RNF130: variants seen among roughly 807,000 people sequenced by gnomAD.
RNF130 encodes the protein E3 ubiquitin-protein ligase RNF130.
RNF130 carries 21 observed loss-of-function variants against 44.6 expected under a neutral mutation model. That is an observed-to-expected ratio of 0.47 (90% CI 0.33 to 0.68). RNF130 has a LOEUF of 0.68. RNF130 is among the 30% of genes least tolerant of loss of function. RNF130 has a pLI of 0.02. For missense variants in RNF130, 479 were observed against 560.6 expected (o/e 0.85, Z 1.47); for synonymous variants, 214 against 210.4 (o/e 1.02, Z -0.15).
At chr5:179,950,563 C>A (rs1762110508), downstream of RNF130, among the ~76,000 whole-genome samples, 1 of 152,198 alleles carries the variant, frequency 6.6e-6, no homozygotes, top group Non-Finnish European at 1.5e-5. Context: ...TTAATAATGT[C>A]TGTTAAATTT....
At chr5:179,961,822 TTCA>T (rs1762335985) in intron 8 of RNF130, among the ~76,000 whole-genome samples, 1 of 152,162 alleles carries the variant, frequency 6.6e-6, no homozygotes. Flanking sequence ...AGAAATTAAA[TTCA>T]CTTCCCAGAC....
intron 1 of RNF130, among the ~76,000 whole-genome samples, chr5:180,057,491 T>C (rs190874008): frequency 1.5e-3 from 225 of 151,978 alleles, no homozygotes; most frequent in Non-Finnish European, 1.7e-3. Context: ...GAGGCTGCAT[T>C]GAGCCAAGAC....
chr5:179,963,335 T>C, intron 8 of RNF130, 136 bp downstream of exon 8: 1 of 642,884 alleles, frequency 1.6e-6, no homozygotes, highest in South Asian at 1.9e-5. Context: ...AAATAAAGTA[T>C]TTTGCTAGAT....
chr5:180,030,483 C>T (rs1764109247), intron 2 of RNF130, among the ~76,000 whole-genome samples: 1 of 152,252 alleles, frequency 6.6e-6, no homozygotes, highest in South Asian at 2.1e-4. Context: ...TTTCCATCAC[C>T]CCCCAGAAAA....
At chr5:179,988,913 G>C (rs1409391759) in intron 3 of RNF130, among the ~76,000 whole-genome samples, 5 of 152,224 alleles carry the variant, frequency 3.3e-5, no homozygotes, top group Admixed American at 2.6e-4. Flanking sequence ...ATATAGTACA[G>C]TTCAAATCCA....
chr5:180,036,019 C>T lies in RNF130; in HGVS notation c.442+4434G>A, dbSNP rs1764241609. On this transcript the variant is annotated intron_variant, in intron 2 of 8. Coordinates refer to ENST00000521389, the MANE Select transcript of RNF130 (RefSeq NM_018434.6). ...CTCTGCTAAATCCATTATCTGGGAACACTTATAGACAGTTTCTATAGACTT... is the reference window on the plus strand; with the variant it reads ...CTCTGCTAAATCCATTATCTGGGAATACTTATAGACAGTTTCTATAGACTT... Among the ~76,000 whole-genome samples the T allele has an allele frequency of 2.0e-5, 3 of 152,286 alleles. No homozygotes were observed. In the South Asian group the frequency reaches 6.2e-4, roughly 32 times the overall value.
At chr5:180,048,001 C>CTTT (rs67545539) in intron 1 of RNF130, among the ~76,000 whole-genome samples, 10 of 146,968 alleles carry the variant, frequency 6.8e-5, no homozygotes, top group African/African-American at 2.5e-4. Flanking sequence ...CAACAGCACA[C>CTTT]TTTTTTTTTT....
At chr5:180,070,807 A>T (rs964741841) in intron 1 of RNF130, among the ~76,000 whole-genome samples, 2 of 152,216 alleles carry the variant, frequency 1.3e-5, no homozygotes, top group Non-Finnish European at 2.9e-5. Context: ...ATTCTTGAAA[A>T]TTTTACCTAT....
chr5:179,966,354 T>C (rs143706699), intron 7 of RNF130, among the ~76,000 whole-genome samples: 49 of 152,294 alleles, frequency 3.2e-4, no homozygotes, highest in Non-Finnish European at 6.3e-4. Context: ...ACAGGCTATG[T>C]TCCAAGAACT....
At chr5:179,941,186 A>C (rs528706219) in intron 7 of RNF130, among the ~76,000 whole-genome samples, 1 of 152,116 alleles carries the variant, frequency 6.6e-6, no homozygotes, top group African/African-American at 2.4e-5. Context: ...ATTTGGTCTT[A>C]TCTCCTGGCT....
At chr5:179,989,687 G>A (rs1763035175) in intron 3 of RNF130, among the ~76,000 whole-genome samples, 1 of 152,142 alleles carries the variant, frequency 6.6e-6, no homozygotes, top group South Asian at 2.1e-4. Flanking sequence ...CAGTCAGGCT[G>A]TATCTTTTAA....
intron 7 of RNF130, among the ~76,000 whole-genome samples, chr5:179,941,121 T>C (rs1199268060): frequency 6.6e-6 from 1 of 152,226 alleles, no homozygotes; most frequent in African/African-American, 2.4e-5. Context: ...GTATTTCTAA[T>C]AGTTAGATTT....
chr5:179,975,821 AC>A (rs1488029296), intron 5 of RNF130, among the ~76,000 whole-genome samples: 17 of 152,170 alleles, frequency 1.1e-4, no homozygotes, highest in African/African-American at 4.1e-4. Flanking sequence ...CAGACCACAA[AC>A]ACAAACCACT....
exon 8 of RNF130, chr5:179,919,980 G>A (rs868162465): frequency 6.5e-5 from 15 of 230,696 alleles, no homozygotes; most frequent in South Asian, 4.0e-4. Flanking sequence ...CTTCCCTGGT[G>A]CAGAACAGCA....
At chr5:180,008,118 T>C (rs3719) in intron 3 of RNF130, among the ~76,000 whole-genome samples, 132,066 of 151,192 alleles carry the variant, frequency 0.87, 57,852 homozygotes, top group African/African-American at 0.94. Context: ...CCCCATAGAT[T>C]CCTGACAATG....
At chr5:180,060,020 G>C (rs185075578) in intron 1 of RNF130, among the ~76,000 whole-genome samples, 1 of 152,296 alleles carries the variant, frequency 6.6e-6, no homozygotes. Context: ...TTTTAAATGT[G>C]GGTGACAGAC....
In RNF130 at chr5:179,967,025, C is replaced by T; in HGVS notation, c.946-15G>A. 1 of 1,603,060 alleles carries T rather than the reference C, an allele frequency of 6.2e-7. No homozygotes were observed. The highest frequency in any genetic ancestry group is 8.5e-7 in the Non-Finnish European group (1 of 1,172,174). On this transcript the variant is annotated splice_polypyrimidine_tract_variant and intron_variant, in intron 6 of 8. Coordinates refer to ENST00000521389, the MANE Select transcript of RNF130 (RefSeq NM_018434.6). ...GGCAAATTCGGCTGCAAAATATTTC[C>T]AGGTTAAAAATAATTGTAAGGAAAA... is the stretch of plus-strand genomic sequence containing the variant.
intron 1 of RNF130, among the ~76,000 whole-genome samples, chr5:180,055,940 C>T (rs1259692982): frequency 2.0e-5 from 3 of 151,902 alleles, no homozygotes; most frequent in African/African-American, 7.3e-5. Flanking sequence ...AAAAATTAGC[C>T]AGGCATGGTG....
intron 3 of RNF130, among the ~76,000 whole-genome samples, chr5:179,996,295 A>G (rs1173571157): frequency 6.6e-6 from 1 of 152,194 alleles, no homozygotes; most frequent in African/African-American, 2.4e-5. Context: ...TGATTTCTGT[A>G]TGTTAATTTT....
Sources: gnomAD v4.1 joint callset for allele counts (sites outside exome capture counted in the v4.1 genomes callset) on GRCh38, gnomAD v4.1.1 for gene constraint, MANE v1.5 for transcripts, NCBI Gene and HGNC (gene_info 2026-07-23, HGNC 2026-07-21) for gene names.